The following CAMKMT variants were observed in gnomAD, a reference collection of about 807,000 sequenced individuals.
The protein encoded by CAMKMT is CaM KMT.
A neutral mutation model predicts 48.0 loss-of-function variants in CAMKMT; 53 were observed. The observed-to-expected ratio is 1.10, with a 90% confidence interval of 0.89 to 1.39. The LOEUF is 1.39. Among genes scored for constraint, CAMKMT ranks in the 40% most tolerant of loss-of-function variants. The pLI is 0.00. For missense variants in CAMKMT, 428 were observed against 402.7 expected (o/e 1.06, Z -0.54); for synonymous variants, 165 against 152.3 (o/e 1.08, Z -0.61).
In CAMKMT at chr2:44,583,027, C is replaced by CA. The variant is rs556178752; in HGVS notation, c.377-121250dup. ...ATTCGAATTGTTCTGATACTCCCCA[C>CA]AAAAAACCCTTAAAATACATATAAT... On this transcript the variant is annotated intron_variant, in intron 3 of 10. Transcript: ENST00000378494. 5.0e-3 allele frequency among the ~76,000 whole-genome samples: 759 copies of CA among 152,206 alleles called. 7 individuals are homozygous for CA. The highest frequency in any genetic ancestry group is 0.016 in the African/African-American group (656 of 41,516).
chr2:44,362,711 T>C (rs1275358974), intron 1 of CAMKMT, among the ~76,000 whole-genome samples: 1 of 152,184 alleles, frequency 6.6e-6, no homozygotes, highest in Non-Finnish European at 1.5e-5. Flanking sequence ...AGTTAAATGA[T>C]TATCTTGTAG....
intron 3 of CAMKMT, among the ~76,000 whole-genome samples, chr2:44,541,691 G>A (rs1037504): frequency 0.7 from 105,693 of 150,224 alleles, 37,710 homozygotes; most frequent in Middle Eastern, 0.77. Context: ...GGATCACTGG[G>A]TCCCAGGAGG....
rs564502872 is a variant in CAMKMT, at chr2:44,416,735, C to T, written c.376+26430C>T. ...GATTACAGGTGCCCACAACCACACC[C>T]GGCTAATTTTTGTATTTTTAGTAGG... On this transcript the variant is annotated intron_variant, in intron 3 of 10. Coordinates refer to ENST00000378494, the MANE Select transcript of CAMKMT (RefSeq NM_024766.5). Among the ~76,000 whole-genome samples the T allele has an allele frequency of 8.6e-5, 13 of 151,478 alleles. No homozygotes were observed. In the South Asian group the frequency reaches 1.3e-3, roughly 15 times the overall value.
chr2:44,504,278 TA>T (rs1414973762), intron 3 of CAMKMT, among the ~76,000 whole-genome samples: 1 of 152,198 alleles, frequency 6.6e-6, no homozygotes, highest in Admixed American at 6.5e-5. Flanking sequence ...TCCTAGAAGA[TA>T]AGACACACTG....
In CAMKMT at chr2:44,505,061, C is replaced by T. The variant is rs546996454; in HGVS notation, c.376+114756C>T. ...ACTAGCTCTCACTGAATCTAATAGACCAAGAACTCACTTATTACTGCAAGG... is the reference window on the plus strand; with the variant it reads ...ACTAGCTCTCACTGAATCTAATAGATCAAGAACTCACTTATTACTGCAAGG... On this transcript the variant is annotated intron_variant, in intron 3 of 10. Coordinates refer to ENST00000378494, the MANE Select transcript of CAMKMT (RefSeq NM_024766.5). 2.0e-5 allele frequency among the ~76,000 whole-genome samples: 3 copies of T among 152,118 alleles called. No individual in the cohort carries two copies. The South Asian group carries it at 6.2e-4, about 32-fold the overall frequency.
chr2:44,658,181 G>A (rs148116635), intron 3 of CAMKMT, among the ~76,000 whole-genome samples: 20 of 152,318 alleles, frequency 1.3e-4, no homozygotes, highest in Admixed American at 3.3e-4. Flanking sequence ...GATTCTACAC[G>A]TAGGAGTGAG....
At chr2:44,710,195 T>A (rs998061371) in intron 6 of CAMKMT, among the ~76,000 whole-genome samples, 5 of 152,124 alleles carry the variant, frequency 3.3e-5, no homozygotes, top group African/African-American at 1.2e-4. Context: ...AATGGATTGG[T>A]TCTGAATCTT....
intron 9 of CAMKMT, among the ~76,000 whole-genome samples, chr2:44,759,212 C>T (rs1680508532): frequency 6.6e-6 from 1 of 152,222 alleles, no homozygotes; most frequent in Non-Finnish European, 1.5e-5. Context: ...AAGCCACAAA[C>T]TCCTGGACTC....
intron 3 of CAMKMT, among the ~76,000 whole-genome samples, chr2:44,551,877 A>T (rs1480635503): frequency 1.3e-5 from 2 of 152,174 alleles, no homozygotes; most frequent in African/African-American, 4.8e-5. Context: ...TATATGACAT[A>T]CCTTGTATAC....
chr2:44,594,053 A>G (rs28768693), intron 3 of CAMKMT, among the ~76,000 whole-genome samples: 1 of 151,814 alleles, frequency 6.6e-6, no homozygotes, highest in African/African-American at 2.4e-5. Context: ...GTGAGCCACC[A>G]TGCCTGGCAA....
intron 6 of CAMKMT, among the ~76,000 whole-genome samples, chr2:44,708,071 G>C (rs1032618385): frequency 6.6e-6 from 1 of 152,074 alleles, no homozygotes. Flanking sequence ...TATGTACACA[G>C]AGTTCATGAA....
chr2:44,750,505 A>G (rs1168173916), intron 8 of CAMKMT, among the ~76,000 whole-genome samples: 2 of 152,190 alleles, frequency 1.3e-5, no homozygotes, highest in African/African-American at 2.4e-5. Context: ...TTTATTAAGT[A>G]GAAGACAGTC....
chr2:44,635,423 A>G (rs866622459), intron 3 of CAMKMT, among the ~76,000 whole-genome samples: 1 of 152,226 alleles, frequency 6.6e-6, no homozygotes, highest in South Asian at 2.1e-4. Context: ...TCTATAATGT[A>G]TATTATTGTA....
At chr2:44,628,774 A>G (rs1290261249) in intron 3 of CAMKMT, among the ~76,000 whole-genome samples, 1 of 152,174 alleles carries the variant, frequency 6.6e-6, no homozygotes, top group African/African-American at 2.4e-5. Flanking sequence ...TCTTTGACCT[A>G]TACATTTTTT....
At chr2:44,592,845 C>A (rs367897055) in intron 3 of CAMKMT, among the ~76,000 whole-genome samples, 1 of 152,090 alleles carries the variant, frequency 6.6e-6, no homozygotes, top group African/African-American at 2.4e-5. Context: ...AGAATATGGT[C>A]TAGCTTGGTA....
At chr2:44,529,620 T>C (rs1666359447) in intron 3 of CAMKMT, among the ~76,000 whole-genome samples, 1 of 152,174 alleles carries the variant, frequency 6.6e-6, no homozygotes, top group Admixed American at 6.6e-5. Context: ...AGCCCTTCTG[T>C]ACCTTAAAAA....
chr2:44,384,633 C>G (rs980242575), intron 2 of CAMKMT, among the ~76,000 whole-genome samples: 3 of 150,094 alleles, frequency 2.0e-5, no homozygotes, highest in Non-Finnish European at 4.4e-5. Context: ...AGATTTAAGT[C>G]CTCAATCCAT....
intron 8 of CAMKMT, among the ~76,000 whole-genome samples, chr2:44,750,718 A>G (rs1211447677): frequency 6.6e-6 from 1 of 152,204 alleles, no homozygotes; most frequent in Admixed American, 6.5e-5. Context: ...AGAGGCAAAG[A>G]AATGCAAAGA....
intron 3 of CAMKMT, among the ~76,000 whole-genome samples, chr2:44,576,411 A>G (rs1433232810): frequency 3.9e-5 from 6 of 152,152 alleles, no homozygotes; most frequent in African/African-American, 7.2e-5. Flanking sequence ...GACACAGGGA[A>G]TCTGAAGTAG....
Sources: gnomAD v4.1 joint callset for allele counts (sites outside exome capture counted in the v4.1 genomes callset) on GRCh38, gnomAD v4.1.1 for gene constraint, MANE v1.5 for transcripts, NCBI Gene and HGNC (gene_info 2026-07-23, HGNC 2026-07-21) for gene names.